The following SNX29 variants were observed in gnomAD, a reference collection of about 807,000 sequenced individuals.
SNX29 encodes the protein sorting nexin 29, also known as sorting nexin-29.
SNX29 carries 78 observed loss-of-function variants against 102.1 expected under a neutral mutation model. The observed-to-expected ratio is 0.76, with a 90% CI of 0.64 to 0.92. The LOEUF (loss-of-function observed/expected upper bound fraction) is 0.92, where lower values mean the gene tolerates loss of function less well. Ranked by LOEUF, SNX29 falls within the 40% of genes least tolerant of loss-of-function variation. The pLI, the probability that SNX29 is intolerant of heterozygous loss-of-function variation, is 0.00. For missense variants in SNX29, 1,280 were observed against 1,061.7 expected (o/e 1.21, Z -2.86); for synonymous variants, 580 against 414.5 (o/e 1.40, Z -4.85).
At chr16:12,068,917 C>G in intron 9 of SNX29, 140 bp from the exon 10 acceptor site, 1 of 689,796 alleles carries the variant, frequency 1.4e-6, no homozygotes, top group Non-Finnish European at 2.5e-6. Context: ...TGATTAAAAT[C>G]CAGCTTGCAG....
chr16:12,169,685 T>C (rs930682688), intron 13 of SNX29, among the ~76,000 whole-genome samples: 3 of 152,052 alleles, frequency 2.0e-5, no homozygotes, highest in Non-Finnish European at 4.4e-5. Context: ...CATGGTGAAA[T>C]GCTATCTGTA....
intron 20 of SNX29, among the ~76,000 whole-genome samples, chr16:12,563,030 T>C (rs2078818486): frequency 6.6e-6 from 1 of 152,128 alleles, no homozygotes; most frequent in South Asian, 2.1e-4. Flanking sequence ...GTTTACATCA[T>C]TGCAAGGGCC....
chr16:12,154,351 C>G (rs2055438043), intron 13 of SNX29, among the ~76,000 whole-genome samples: 1 of 152,184 alleles, frequency 6.6e-6, no homozygotes, highest in Non-Finnish European at 1.5e-5. Flanking sequence ...CTGAGACCCC[C>G]CACAGTGGGA....
At chr16:12,081,145 C>T (rs1223646898) in intron 11 of SNX29, 1 of 152,184 alleles carries the variant, frequency 6.6e-6, no homozygotes, top group Non-Finnish European at 1.5e-5. Flanking sequence ...CTAAGTGTGC[C>T]TGGCGTGGTT....
At chr16:12,239,616 C>A (rs1207347709) in intron 14 of SNX29, among the ~76,000 whole-genome samples, 1 of 114,938 alleles carries the variant, frequency 8.7e-6, no homozygotes, top group Non-Finnish European at 1.6e-5. Context: ...TCACTTGAGG[C>A]AAGGAGTGAG....
At chr16:12,487,370 G>A (rs191266902) in intron 19 of SNX29, among the ~76,000 whole-genome samples, 2 of 152,238 alleles carry the variant, frequency 1.3e-5, no homozygotes, top group East Asian at 1.9e-4. Context: ...ACCATATGCC[G>A]GCTTGCCAGA....
intron 14 of SNX29, among the ~76,000 whole-genome samples, chr16:12,261,096 GGTGGGAT>G (rs2078737994): frequency 3.4e-5 from 5 of 148,600 alleles, no homozygotes; most frequent in Non-Finnish European, 7.4e-5. Context: ...TGTTTGCTGA[GGTGGGAT>G]CTGTGCATGA....
chr16:12,214,717 C>G (rs2077276640), intron 14 of SNX29, among the ~76,000 whole-genome samples: 1 of 152,082 alleles, frequency 6.6e-6, no homozygotes, highest in Non-Finnish European at 1.5e-5. Context: ...CCTTGTCTTC[C>G]CTGTGGGGTG....
At position 12,568,723 on chromosome 16, in the gene SNX29, A is replaced by C. The variant is rs1354702962; in HGVS notation, c.*94A>C. 1.1e-5 allele frequency: 17 copies of C among 1,512,312 alleles called. No homozygotes were observed. Among genetic ancestry groups the C allele is most frequent in the African/African-American group, 2.8e-5 (2 of 72,232 alleles). 93.7% of individuals were successfully genotyped at this position (1,512,312 alleles called of 1,614,324 possible). A position where few individuals can be genotyped will look rare whatever the true frequency, so the allele number is the denominator to read the frequency against. ...GGCCCCTCACCTCAGCGTGACAACC[A>C]CGTCCACCTGGTGATCCTGAGAGCA... On this transcript the variant is annotated 3_prime_UTR_variant, in exon 21 of 21. Coordinates refer to ENST00000566228, the MANE Select transcript of SNX29 (RefSeq NM_032167.5).
At chr16:12,545,728 A>C (rs1426084118) in intron 20 of SNX29, 2 of 152,290 alleles carry the variant, frequency 1.3e-5, no homozygotes, top group African/African-American at 4.8e-5. Flanking sequence ...CGAGGTCACC[A>C]TGAAGCCTTC....
intron 13 of SNX29, among the ~76,000 whole-genome samples, chr16:12,144,911 C>T (rs1476122816): frequency 2.0e-5 from 3 of 152,136 alleles, no homozygotes; most frequent in Admixed American, 6.6e-5. Context: ...TTAGTAGAGA[C>T]GGGGTTTCAC....
At chr16:12,228,667 C>T (rs772104149) in intron 14 of SNX29, among the ~76,000 whole-genome samples, 21 of 152,352 alleles carry the variant, frequency 1.4e-4, no homozygotes, top group Admixed American at 3.9e-4. Context: ...CTGTCTGGTG[C>T]GCAGCTCCCC....
chr16:11,999,394 G>GTAA (rs1567510026), intron 2 of SNX29, 36 bp downstream of exon 2: 2 of 1,605,528 alleles, frequency 1.2e-6, no homozygotes, highest in African/African-American at 2.7e-5. Flanking sequence ...TTTTGGTCGA[G>GTAA]TAATAGTGTC....
chr16:12,514,600 C>T (rs1242197784), intron 19 of SNX29, among the ~76,000 whole-genome samples: 1 of 152,062 alleles, frequency 6.6e-6, no homozygotes. Context: ...CATGGTGGCT[C>T]ATGCCTGTGA....
chr16:11,979,868 C>T (rs181643428), intron 1 of SNX29, among the ~76,000 whole-genome samples: 8 of 152,262 alleles, frequency 5.3e-5, no homozygotes, highest in Admixed American at 2.0e-4. Context: ...TTGTGAACTC[C>T]TGGCTTCATA....
rs558977464 is a variant in SNX29, at chr16:12,573,444, G to T, written c.*4815G>T. ...ATCTGGCTTCCTTAATAAGATAGTT[G>T]AGCCTATGACATTAAGGAGCAGCGC... On this transcript the variant is annotated 3_prime_UTR_variant, in exon 21 of 21. Transcript: ENST00000566228. The T allele has an allele frequency of 1.4e-4, 31 of 224,014 alleles. No individual in the cohort carries two copies. Among genetic ancestry groups the T allele is most frequent in the Middle Eastern group, 1.3e-3 (1 of 746 alleles). The allele number at this position is 224,014 out of a possible 1,614,324, so 13.9% of individuals were successfully genotyped here. A position where few individuals can be genotyped will look rare whatever the true frequency, so the allele number is the denominator to read the frequency against.
At chr16:12,401,513 G>T (rs2083942574) in intron 17 of SNX29, among the ~76,000 whole-genome samples, 1 of 151,776 alleles carries the variant, frequency 6.6e-6, no homozygotes, top group East Asian at 1.9e-4. Context: ...ACAGGCGCGT[G>T]CCACCATGCC....
chr16:12,496,795 G>A (rs1193751160), intron 19 of SNX29, among the ~76,000 whole-genome samples: 1 of 152,192 alleles, frequency 6.6e-6, no homozygotes, highest in Non-Finnish European at 1.5e-5. Context: ...TTGGTTCCCT[G>A]CAGGGTTCGG....
intron 14 of SNX29, among the ~76,000 whole-genome samples, chr16:12,204,529 C>A (rs188685897): frequency 1.3e-5 from 2 of 152,242 alleles, no homozygotes; most frequent in Admixed American, 1.3e-4. Context: ...ATTTTAAAGC[C>A]ACGAGCTCTC....
Sources: allele counts gnomAD v4.1 joint callset (sites outside exome capture counted in the v4.1 genomes callset), GRCh38; gene constraint gnomAD v4.1.1; transcripts MANE v1.5; gene names NCBI Gene and HGNC (gene_info 2026-07-23, HGNC 2026-07-21).